CCNY: variants seen among roughly 807,000 people sequenced by gnomAD.
The protein encoded by CCNY is cyclin-Y.
A neutral mutation model predicts 42.8 loss-of-function variants in CCNY; 19 were observed. That is an observed-to-expected ratio of 0.44 (90% CI 0.31 to 0.65). CCNY has a LOEUF of 0.65. CCNY is among the 30% of genes least tolerant of loss of function. The pLI, the probability that CCNY is intolerant of heterozygous loss-of-function variation, is 0.07. For synonymous variants in CCNY, 165 were observed against 162.7 expected, an observed-to-expected ratio of 1.01 and a Z score of -0.11; for missense variants, 370 against 437.3, an observed-to-expected ratio of 0.85 and a Z score of 1.37.
chr10:35,292,183 G>T (rs1835421124), intron 3 of CCNY, among the ~76,000 whole-genome samples: 1 of 151,754 alleles, frequency 6.6e-6, no homozygotes, highest in Non-Finnish European at 1.5e-5. Flanking sequence ...CAAAATTTTT[G>T]CCCATTTTTA....
chr10:35,516,692 T>G (rs1429827812), intron 4 of CCNY, 69 bp downstream of exon 4: 1 of 827,854 alleles, frequency 1.2e-6, no homozygotes, highest in East Asian at 3.0e-5. Flanking sequence ...TTTTTTTACT[T>G]AACTGAATGC....
chr10:35,262,598 G>A (rs929477463), intron 3 of CCNY, among the ~76,000 whole-genome samples: 5 of 152,060 alleles, frequency 3.3e-5, no homozygotes, highest in Admixed American at 2.0e-4. Context: ...CTGACCTCAT[G>A]TGATGCATCC....
chr10:35,251,385 G>C (rs969943345), intron 3 of CCNY, among the ~76,000 whole-genome samples: 1 of 152,066 alleles, frequency 6.6e-6, no homozygotes, highest in African/African-American at 2.4e-5. Flanking sequence ...ATTAAAATTG[G>C]CAGCACAGAT....
chr10:35,437,713 A>G (rs1838570148), intron 1 of CCNY, among the ~76,000 whole-genome samples: 1 of 152,020 alleles, frequency 6.6e-6, no homozygotes. Context: ...AGCTAGTATG[A>G]ATAGAGTGAG....
At chr10:35,484,793 T>G (rs982511538) in intron 2 of CCNY, among the ~76,000 whole-genome samples, 1 of 152,220 alleles carries the variant, frequency 6.6e-6, no homozygotes, top group African/African-American at 2.4e-5. Flanking sequence ...TCGGGTTTCA[T>G]TCTTGCTTCT....
chr10:35,553,095 C>T lies in CCNY; in HGVS notation c.656C>T (p.Ala219Val), dbSNP rs1841294000. The T allele has an allele frequency of 2.5e-6, 4 of 1,614,118 alleles. No homozygotes were observed. Among genetic ancestry groups the T allele is most frequent in the Non-Finnish European group, 2.5e-6 (3 of 1,179,998 alleles). Residue 219 changes from alanine (A) to valine (V), a missense_variant, in exon 8 of 10, where the codon GCG (alanine) becomes GTG (valine). Coordinates refer to ENST00000374704, the MANE Select transcript of CCNY (RefSeq NM_145012.6). ...AACTGGAAGCGGATTGTTTTAGGGGCGATCCTGCTGGCCTCCAAGGTGTGG... is the reference window on the plus strand; with the variant it reads ...AACTGGAAGCGGATTGTTTTAGGGGTGATCCTGCTGGCCTCCAAGGTGTGG... The part of the protein sequence containing the change: ...PANWKRIVLG[A>V]ILLASKVWDD...
At chr10:35,505,737 G>T (rs1049456950) in intron 3 of CCNY, among the ~76,000 whole-genome samples, 10 of 152,138 alleles carry the variant, frequency 6.6e-5, no homozygotes, top group South Asian at 2.1e-4. Flanking sequence ...TGGAATTTAG[G>T]TAAAATTGAT....
At position 35,362,578 on chromosome 10, in the gene CCNY, GT is replaced by G. The variant is rs902193668; in HGVS notation, c.154+25382del. The stretch of plus-strand genomic sequence containing the variant: ...CTGAATGCCAAGCTAGAGGGTACCA[GT>G]TTTTTTTTTTAATTCTCCAATTTAA... On this transcript the variant is annotated intron_variant, in intron 1 of 9. Transcript: ENST00000374704. 3.8e-4 allele frequency among the ~76,000 whole-genome samples: 56 copies of G among 146,652 alleles called. 1 individual carries two copies. Among genetic ancestry groups the G allele is most frequent in the Non-Finnish European group, 2.1e-4 (14 of 66,096 alleles).
At chr10:35,406,195 T>TGTTTA (rs1837758860) in intron 1 of CCNY, among the ~76,000 whole-genome samples, 1 of 145,940 alleles carries the variant, frequency 6.9e-6, no homozygotes, top group African/African-American at 2.5e-5. Context: ...TTTTTTTTCT[T>TGTTTA]TTTTATTTTA....
chr10:35,461,041 T>C (rs1462654987), intron 1 of CCNY, among the ~76,000 whole-genome samples: 4 of 152,170 alleles, frequency 2.6e-5, no homozygotes, highest in African/African-American at 9.7e-5. Flanking sequence ...CCAGCTGGCC[T>C]GAAATAGGAG....
rs1184383605 is a variant in CCNY at position 35,262,257 on chromosome 10, C to CAAAAA, written c.-9+11649_-9+11653dup. On this transcript the variant is annotated intron_variant, in intron 3 of 11. Transcript: ENST00000374706. ...CACCTGGACAACAGAAACTCTGTCTCAAAAAAAAAAAAAAAAAAAAAAGAA... is the reference window on the plus strand; with the variant it reads ...CACCTGGACAACAGAAACTCTGTCTCAAAAAAAAAAAAAAAAAAAAAAAAAAAGAA... Among the ~76,000 whole-genome samples the CAAAAA allele has an allele frequency of 1.2e-3, 29 of 25,098 alleles. 4 individuals are homozygous for CAAAAA. The South Asian group carries it at 0.04, about 35-fold the overall frequency. The allele number at this position is 25,098 out of a possible 152,430, so 16.5% of individuals were successfully genotyped here.
intron 3 of CCNY, among the ~76,000 whole-genome samples, chr10:35,507,521 A>G (rs192439792): frequency 1.8e-4 from 27 of 152,306 alleles, no homozygotes; most frequent in Admixed American, 1.5e-3. Context: ...TGTATTTCCT[A>G]AGACCAAGGC....
chr10:35,441,137 C>T (rs921867613), intron 1 of CCNY, among the ~76,000 whole-genome samples: 1 of 152,180 alleles, frequency 6.6e-6, no homozygotes, highest in African/African-American at 2.4e-5. Context: ...GTATGAGGGT[C>T]AGGGAGAGTC....
chr10:35,395,195 A>G (rs1038529367), intron 1 of CCNY, among the ~76,000 whole-genome samples: 4 of 152,176 alleles, frequency 2.6e-5, no homozygotes, highest in Admixed American at 6.5e-5. Flanking sequence ...AGAAGTTTTT[A>G]CCAGAAAGTG....
At chr10:35,387,266 T>C (rs983496411) in intron 1 of CCNY, among the ~76,000 whole-genome samples, 5 of 152,204 alleles carry the variant, frequency 3.3e-5, no homozygotes, top group Non-Finnish European at 7.4e-5. Flanking sequence ...CTTTTCCTCC[T>C]CAGGATGCTG....
intron 2 of CCNY, among the ~76,000 whole-genome samples, chr10:35,495,900 T>TAC (rs1004444416): frequency 2.5e-4 from 38 of 152,070 alleles, no homozygotes; most frequent in Non-Finnish European, 5.3e-4. Flanking sequence ...AGTGAGTGAG[T>TAC]GAGTGAGTGA....
chr10:35,459,324 C>T (rs1589134668), intron 1 of CCNY, among the ~76,000 whole-genome samples: 1 of 152,138 alleles, frequency 6.6e-6, no homozygotes, highest in Non-Finnish European at 1.5e-5. Context: ...GCCTGCAGGC[C>T]GCATGTGGCC....
At chr10:35,489,633 A>C (rs1004194244) in intron 2 of CCNY, among the ~76,000 whole-genome samples, 4 of 152,058 alleles carry the variant, frequency 2.6e-5, no homozygotes, top group Admixed American at 1.3e-4. Flanking sequence ...AAAGATTTTT[A>C]TTATAGTCAT....
At chr10:35,388,549 C>T (rs1013766924) in intron 1 of CCNY, among the ~76,000 whole-genome samples, 5 of 152,156 alleles carry the variant, frequency 3.3e-5, no homozygotes, top group East Asian at 1.9e-4. Flanking sequence ...AATGAGCTTC[C>T]TCTCCTTGTT....
Sources: gnomAD v4.1 joint callset for allele counts (sites outside exome capture counted in the v4.1 genomes callset) on GRCh38, gnomAD v4.1.1 for gene constraint, MANE v1.5 for transcripts, NCBI Gene and HGNC (gene_info 2026-07-23, HGNC 2026-07-21) for gene names.